Variants in UBR4 observed in about 807,000 individuals in gnomAD.
UBR4 encodes ubiquitin protein ligase E3 component n-recognin 4.
In UBR4, 124 loss-of-function variants were observed where a neutral mutation model predicts 575.6. That is an observed-to-expected ratio of 0.22 (90% CI 0.19 to 0.25). The LOEUF (loss-of-function observed/expected upper bound fraction) is 0.25. Ranked by LOEUF, UBR4 falls within the 10% of genes least tolerant of loss-of-function variation. The pLI is 1.00. For missense variants in UBR4, 4,818 were observed against 6,478.8 expected (o/e 0.74, Z 8.80); for synonymous variants, 2,455 against 2,473.7 (o/e 0.99, Z 0.22).
Position 19,177,658 on chromosome 1 carries a change from G to C in UBR4, c.2440C>G (p.Leu814Val). The C allele has an allele frequency of 1.2e-6, 2 of 1,614,118 alleles. No homozygotes were observed. Among genetic ancestry groups the C allele is most frequent in the Non-Finnish European group, 1.7e-6 (2 of 1,180,022 alleles). ...GTGAAATTGTGGAAAATGAGGAGGA[G>C]CATCTGCAGGTGTTCTACATTCAGA... ...EDLNVEHLQM[L>V]LLIFHNFTET... The change falls in exon 19 of 106, where the codon CTC (leucine) becomes GTC (valine). Residue 814 changes from leucine (L) to valine (V), a missense_variant. Coordinates refer to ENST00000375254, the MANE Select transcript of UBR4 (RefSeq NM_020765.3).
chr1:19,099,183 A>G (rs77861610), intron 90 of UBR4, among the ~76,000 whole-genome samples: 2,994 of 152,272 alleles, frequency 0.02, 40 homozygotes, highest in South Asian at 0.055. Context: ...GCTCCTTGAC[A>G]CAGCTACTGG....
chr1:19,121,117 G>T, intron 68 of UBR4, 72 bp downstream of exon 68: 1 of 1,563,870 alleles, frequency 6.4e-7, no homozygotes. Context: ...TTTTACAACA[G>T]GACAAACCAT....
In UBR4 at chr1:19,114,782, C is replaced by T. The variant is rs201571786; in HGVS notation, c.11202+29G>A. 291 of 1,613,052 alleles carry T rather than the reference C, an allele frequency of 1.8e-4. No homozygotes were observed. In the African/African-American group the frequency reaches 2.8e-3, roughly 16 times the overall value. On this transcript the variant is annotated intron_variant, in intron 75 of 105. Coordinates refer to ENST00000375254, the MANE Select transcript of UBR4 (RefSeq NM_020765.3). Reference sequence around the variant, plus strand: ...CCCAAAGTCCAGATCAAGGCCACAGCCCTGAGTCTAGGCCAGATCTGGCCT... The same window carrying T: ...CCCAAAGTCCAGATCAAGGCCACAGTCCTGAGTCTAGGCCAGATCTGGCCT...
At chr1:19,174,267 T>C (rs1460139607) in intron 22 of UBR4, 52 bp downstream of exon 22, 18 of 1,559,206 alleles carry the variant, frequency 1.2e-5, no homozygotes, top group Non-Finnish European at 1.4e-5. Context: ...CTGATAGAAA[T>C]GATCAATGAT....
At position 19,210,223 on chromosome 1, in the gene UBR4, G is replaced by A. The variant is rs762484295; in HGVS notation, c.26C>T (p.Ala9Val). 11 of 1,435,942 alleles carry A rather than the reference G, an allele frequency of 7.7e-6. No homozygotes were observed. The highest frequency in any genetic ancestry group is 8.2e-6 in the Non-Finnish European group (9 of 1,097,936). 89.0% of individuals were successfully genotyped at this position (1,435,942 alleles called of 1,614,324 possible). A position where few individuals can be genotyped will look rare whatever the true frequency, so the allele number is the denominator to read the frequency against. MATSGGEEAAAAAPAPGTP... is the reference protein window; with the variant it reads MATSGGEEVAAAAPAPGTP... The stretch of plus-strand genomic sequence containing the variant: ...CCCCGGCGCCGGAGCCGCTGCCGCC[G>A]CCTCTTCGCCGCCGCTCGTCGCCAT... Residue 9 changes from alanine to valine, a missense_variant, in exon 1 of 106, where the codon GCG (alanine) becomes GTG (valine). By Grantham distance (64) the Ala-to-Val change is moderately conservative. Around this residue, in one of 29 missense-constraint regions of UBR4, gnomAD observed 95 missense variants for 87.7 expected, o/e 1.08. Coordinates refer to ENST00000375254, the MANE Select transcript of UBR4 (RefSeq NM_020765.3).
At chr1:19,165,075 G>T in intron 31 of UBR4, 78 bp from the exon 32 acceptor site, 1 of 1,571,172 alleles carries the variant, frequency 6.4e-7, no homozygotes, top group African/African-American at 1.4e-5. Flanking sequence ...GTTGAGCCAG[G>T]AAAAGGGGAA....
At chr1:19,207,870 T>G (rs1235160109) in intron 1 of UBR4, among the ~76,000 whole-genome samples, 1 of 152,222 alleles carries the variant, frequency 6.6e-6, no homozygotes, top group Non-Finnish European at 1.5e-5. Context: ...AACACAGCCA[T>G]GCCCATTCAT....
chr1:19,209,943 C>A, intron 1 of UBR4, 130 bp downstream of exon 1: 1 of 1,340,030 alleles, frequency 7.5e-7, no homozygotes, highest in Non-Finnish European at 9.6e-7. Flanking sequence ...GGGCCCGGGA[C>A]CCCGAAGCCG....
At position 19,100,590 on chromosome 1, in the gene UBR4, A is replaced by C; in HGVS notation, c.13024-17T>G. 6 of 1,613,366 alleles carry C rather than the reference A, an allele frequency of 3.7e-6. No homozygotes were observed. Among genetic ancestry groups the C allele is most frequent in the Non-Finnish European group, 5.1e-6 (6 of 1,179,458 alleles). On this transcript the variant is annotated splice_polypyrimidine_tract_variant and intron_variant, in intron 88 of 105. Transcript: ENST00000375254. The surrounding 1 kb of genome is among the most constrained non-coding windows in gnomAD (Gnocchi z 4.2). ...ATTCTCCTCCTGGAGGACAGACAGA[A>C]GGGTGCATCAGAAGGGATGGCAGAG...
At position 19,156,297 on chromosome 1, in the gene UBR4, C is replaced by T. The variant is rs1272516209; in HGVS notation, c.6046G>A (p.Ala2016Thr). 1 of 1,614,164 alleles carries T rather than the reference C, an allele frequency of 6.2e-7. No homozygotes were observed. Among genetic ancestry groups the T allele is most frequent in the Admixed American group, 1.7e-5 (1 of 60,028 alleles). Residue 2016 changes from alanine (A) to threonine (T), a missense_variant, in exon 42 of 106, where the codon GCA becomes ACA. Coordinates refer to ENST00000375254, the MANE Select transcript of UBR4 (RefSeq NM_020765.3). ...TTAACAAAGTCTGCGGTGACAATTGCTAACTCGGTCTGTGAACCAGGTAAC... is the reference window on the plus strand; with the variant it reads ...TTAACAAAGTCTGCGGTGACAATTGTTAACTCGGTCTGTGAACCAGGTAAC... Reference protein sequence around the residue: ...VWLPGSQTELAIVTADFVKIY... With the variant: ...VWLPGSQTELTIVTADFVKIY...
intron 11 of UBR4, among the ~76,000 whole-genome samples, chr1:19,189,322 A>C (rs2091853732): frequency 6.6e-6 from 1 of 152,218 alleles, no homozygotes; most frequent in Non-Finnish European, 1.5e-5. Flanking sequence ...TAACAACGGT[A>C]CTTTTGGGAA....
intron 60 of UBR4, among the ~76,000 whole-genome samples, chr1:19,131,997 C>A (rs1212513567): frequency 6.6e-6 from 1 of 152,086 alleles, no homozygotes; most frequent in Non-Finnish European, 1.5e-5. Context: ...AATTTAGTAA[C>A]ATACTTTTAA....
chr1:19,087,676 T>G, intron 99 of UBR4, 140 bp downstream of exon 99: 1 of 622,542 alleles, frequency 1.6e-6, no homozygotes, highest in Non-Finnish European at 2.8e-6. Context: ...AGAGGACAGC[T>G]GGTCCTTTTG....
At chr1:19,178,943 C>G in intron 18 of UBR4, 108 bp downstream of exon 18, 1 of 1,388,800 alleles carries the variant, frequency 7.2e-7, no homozygotes, top group South Asian at 1.3e-5. Flanking sequence ...CCACTCTAAA[C>G]ATTATCATTA....
chr1:19,127,500 T>G (rs2081954445), intron 63 of UBR4, 123 bp downstream of exon 63: 2 of 745,766 alleles, frequency 2.7e-6, no homozygotes, highest in East Asian at 4.9e-5. Flanking sequence ...GCTTAGAATC[T>G]TACTCCCCTC....
At chr1:19,190,312 A>AAAAAAAAAAAAAAAAAATATATATATAT in intron 11 of UBR4, among the ~76,000 whole-genome samples, 1 of 79,922 alleles carries the variant, frequency 1.3e-5, no homozygotes, top group African/African-American at 5.3e-5. Flanking sequence ...AAAAAAAAAA[A>AAAAAAAAAAAAAAAAAATATATATATAT]ATATATATAT....
intron 1 of UBR4, among the ~76,000 whole-genome samples, chr1:19,204,578 CAGTGTCATCCTAT>C (rs2092914472): frequency 6.6e-6 from 1 of 151,612 alleles, no homozygotes; most frequent in African/African-American, 2.4e-5. Context: ...TTGCCTGGTT[CAGTGTCATCCTAT>C]TGTGATCTAA....
intron 64 of UBR4, chr1:19,125,490 G>A (rs2081626750): frequency 6.6e-6 from 1 of 152,354 alleles, no homozygotes; most frequent in South Asian, 2.1e-4. Flanking sequence ...TCCAAAGCTC[G>A]TGCTGGATCT....
At chr1:19,199,579 C>T (rs2151651350) in intron 3 of UBR4, 72 bp downstream of exon 3, 2 of 1,413,608 alleles carry the variant, frequency 1.4e-6, no homozygotes, top group Non-Finnish European at 2.0e-6. Context: ...GTTCACTGAC[C>T]TCTACTCTAT....
Sources: allele counts gnomAD v4.1 joint callset (sites outside exome capture counted in the v4.1 genomes callset), GRCh38; gene constraint gnomAD v4.1.1; regional missense constraint gnomAD v4.1.1; non-coding constraint Gnocchi (gnomAD v3.1); transcripts MANE v1.5; gene names NCBI Gene and HGNC (gene_info 2026-07-23, HGNC 2026-07-21).